The following SOX6 variants were observed in gnomAD, a reference collection of about 807,000 sequenced individuals.
SOX6 encodes the protein transcription factor SOX-6.
Under a neutral mutation model 97.8 loss-of-function variants are expected in SOX6, and 11 were observed. That is an observed-to-expected ratio of 0.11 (90% CI 0.07 to 0.19). SOX6 has a LOEUF of 0.19. SOX6 is among the 10% of genes least tolerant of loss of function. The pLI is 1.00. For synonymous variants in SOX6, 360 were observed against 371.4 expected (o/e 0.97, Z 0.35); for missense variants, 810 against 1,039.5 (o/e 0.78, Z 3.04).
At chr11:16,413,979 G>A (rs1363105904) in intron 1 of SOX6, among the ~76,000 whole-genome samples, 1 of 151,302 alleles carries the variant, frequency 6.6e-6, no homozygotes, top group African/African-American at 2.5e-5. Flanking sequence ...GGGGAAACTG[G>A]AAAGCGATTA....
At chr11:16,007,250 C>T (rs1172785893) in intron 13 of SOX6, among the ~76,000 whole-genome samples, 1 of 152,056 alleles carries the variant, frequency 6.6e-6, no homozygotes, top group Non-Finnish European at 1.5e-5. Flanking sequence ...CAAACACATA[C>T]AGCATGTTAC....
intron 4 of SOX6, among the ~76,000 whole-genome samples, chr11:16,576,011 G>T (rs1336946581): frequency 7.2e-6 from 1 of 138,298 alleles, no homozygotes; most frequent in Admixed American, 7.9e-5. Context: ...ATATGGAAAG[G>T]TCTTTGAAAA....
At chr11:16,373,981 G>T (rs908879805) in intron 1 of SOX6, among the ~76,000 whole-genome samples, 2 of 151,872 alleles carry the variant, frequency 1.3e-5, no homozygotes, top group Non-Finnish European at 2.9e-5. Flanking sequence ...ATACAGAAAT[G>T]TAGCCCTCAG....
intron 5 of SOX6, among the ~76,000 whole-genome samples, chr11:16,186,181 A>G (rs1190276055): frequency 6.6e-6 from 1 of 152,190 alleles, no homozygotes; most frequent in Non-Finnish European, 1.5e-5. Context: ...ACGATGTACT[A>G]ATTTGTATTC....
chr11:16,392,617 TGGAGAAACAAAATGA>T (rs1391166240), intron 1 of SOX6, among the ~76,000 whole-genome samples: 2 of 152,128 alleles, frequency 1.3e-5, no homozygotes, highest in African/African-American at 4.8e-5. Context: ...CTGGACCCTG[TGGAGAAACAAAATGA>T]TTCCTCTTGT....
At chr11:16,691,492 G>C (rs1240221346) in intron 3 of SOX6, among the ~76,000 whole-genome samples, 1 of 152,136 alleles carries the variant, frequency 6.6e-6, no homozygotes, top group Non-Finnish European at 1.5e-5. Flanking sequence ...GAATAAAACA[G>C]AAGTGTAAAG....
intron 2 of SOX6, among the ~76,000 whole-genome samples, chr11:16,715,814 C>A (rs549935225): frequency 9.2e-5 from 14 of 152,148 alleles, no homozygotes; most frequent in African/African-American, 1.4e-4. Flanking sequence ...ACTCTCAGTT[C>A]CTTGAAGGAA....
chr11:16,022,033 T>C (rs1236185077), intron 12 of SOX6, among the ~76,000 whole-genome samples: 1 of 152,152 alleles, frequency 6.6e-6, no homozygotes, highest in Non-Finnish European at 1.5e-5. Context: ...AACTCTAGAT[T>C]ACCATGTGAT....
intron 3 of SOX6, among the ~76,000 whole-genome samples, chr11:16,292,240 A>G (rs915340911): frequency 6.6e-6 from 1 of 152,194 alleles, no homozygotes; most frequent in African/African-American, 2.4e-5. Flanking sequence ...GTTTTAGGAC[A>G]TCAAAAGAAA....
chr11:16,319,323 A>G (rs192459345), intron 2 of SOX6, among the ~76,000 whole-genome samples: 2 of 152,294 alleles, frequency 1.3e-5, no homozygotes, highest in South Asian at 2.1e-4. Flanking sequence ...TACCACTGAT[A>G]CTTCAGCACA....
chr11:16,066,411 A>G (rs1385759989), intron 9 of SOX6, among the ~76,000 whole-genome samples: 2 of 152,174 alleles, frequency 1.3e-5, no homozygotes, highest in Non-Finnish European at 2.9e-5. Context: ...GTATATGCCT[A>G]AAAGAAAGGA....
chr11:16,639,923 C>T (rs947839740), intron 3 of SOX6, among the ~76,000 whole-genome samples: 3 of 152,046 alleles, frequency 2.0e-5, no homozygotes, highest in Non-Finnish European at 4.4e-5. Context: ...CCTGATTGCC[C>T]TGGCCAGAAC....
At chr11:16,349,551 G>A (rs1856857005) in intron 1 of SOX6, among the ~76,000 whole-genome samples, 1 of 151,996 alleles carries the variant, frequency 6.6e-6, no homozygotes, top group Non-Finnish European at 1.5e-5. Context: ...GGGAGGTGGA[G>A]GTTGCAGTGA....
intron 15 of SOX6, among the ~76,000 whole-genome samples, chr11:15,975,973 A>G (rs545912550): frequency 5.9e-5 from 9 of 152,328 alleles, no homozygotes; most frequent in African/African-American, 2.2e-4. Context: ...TTTACTTTCT[A>G]GAGTGAGAGT....
At chr11:16,400,846 A>G (rs892705321) in intron 1 of SOX6, among the ~76,000 whole-genome samples, 2 of 151,516 alleles carry the variant, frequency 1.3e-5, no homozygotes, top group African/African-American at 4.8e-5. Context: ...ATTATGAAAT[A>G]ATAAGGTAAA....
intron 3 of SOX6, among the ~76,000 whole-genome samples, chr11:16,712,224 T>C (rs1194695271): frequency 1.3e-5 from 2 of 152,166 alleles, no homozygotes; most frequent in Non-Finnish European, 2.9e-5. Flanking sequence ...TGCAAGTATC[T>C]TTTTCATATA....
chr11:16,629,642 T>G (rs893149662), intron 3 of SOX6, among the ~76,000 whole-genome samples: 1 of 152,114 alleles, frequency 6.6e-6, no homozygotes, highest in East Asian at 1.9e-4. Flanking sequence ...TCCTCCTCCA[T>G]TTTTGGGGAT....
rs578179866 is a variant in SOX6 at position 16,300,886 on chromosome 11, A to G, written c.445+17560T>C. 1.6e-3 allele frequency among the ~76,000 whole-genome samples: 239 copies of G among 152,328 alleles called. 2 individuals carry two copies. The highest frequency in any genetic ancestry group is 5.7e-3 in the African/African-American group (236 of 41,572). The stretch of plus-strand genomic sequence containing the variant: ...CATCCAATAATATTTATTAAGCACC[A>G]TAAGATAAGATAAGGGATCACTCTG... On this transcript the variant is annotated intron_variant, in intron 3 of 15. Coordinates refer to ENST00000683767, the MANE Select transcript of SOX6 (RefSeq NM_001367873.1). The surrounding 1 kb of genome is among the most constrained non-coding windows in gnomAD (Gnocchi z 4.1).
upstream of SOX6, among the ~76,000 whole-genome samples, chr11:16,358,635 G>T (rs1857129477): frequency 6.6e-6 from 1 of 152,122 alleles, no homozygotes; most frequent in South Asian, 2.1e-4. Flanking sequence ...AAGAGGGAAA[G>T]AAATTAGCAG....
Sources: gnomAD v4.1 joint callset for allele counts (sites outside exome capture counted in the v4.1 genomes callset) on GRCh38, gnomAD v4.1.1 for gene constraint, Gnocchi (gnomAD v3.1) non-coding constraint, MANE v1.5 for transcripts, NCBI Gene and HGNC (gene_info 2026-07-23, HGNC 2026-07-21) for gene names.